The following RHD variants were observed in gnomAD, a reference collection of about 807,000 sequenced individuals.
The protein encoded by RHD is blood group Rh(D) polypeptide.
A neutral mutation model predicts 45.5 loss-of-function variants in RHD; 16 were observed. The ratio of observed to expected loss-of-function variants is 0.35; its 90% confidence interval spans 0.24 to 0.53. The LOEUF (loss-of-function observed/expected upper bound fraction) is 0.53. Ranked by LOEUF, RHD falls within the 20% of genes least tolerant of loss-of-function variation. The pLI is 0.92. For synonymous variants in RHD, 131 were observed against 217.5 expected (o/e 0.60, Z 3.50); for missense variants, 306 against 532.0 (o/e 0.58, Z 4.18).
At position 25,319,285 on chromosome 1, in the gene RHD, A is replaced by C. The variant is rs1324966277; in HGVS notation, c.1153+2206A>C. ...GTTCCTTTAAGAGTTAAGACCAACA[A>C]GTTTTCTTCTTTACATGTTGTTTTT... On this transcript the variant is annotated intron_variant, in intron 8 of 9. Coordinates refer to ENST00000328664, the MANE Select transcript of RHD (RefSeq NM_016124.6). Among the ~76,000 whole-genome samples, 4 of 131,758 alleles carry C rather than the reference A, an allele frequency of 3.0e-5. 1 individual carries two copies. Among genetic ancestry groups the C allele is most frequent in the African/African-American group, 1.0e-4 (4 of 38,648 alleles). The allele number at this position is 131,758 out of a possible 152,430, so 86.4% of individuals were successfully genotyped here. A position where few individuals can be genotyped will look rare whatever the true frequency, so the allele number is the denominator to read the frequency against.
intron 7 of RHD, among the ~76,000 whole-genome samples, chr1:25,312,088 C>G (rs372898447): frequency 0.035 from 3,498 of 99,138 alleles, 639 homozygotes; most frequent in Non-Finnish European, 0.058. Flanking sequence ...AGCAAAACCA[C>G]AGGGGCAGAG....
chr1:25,281,778 C>A (rs187125074), intron 1 of RHD, among the ~76,000 whole-genome samples: 3 of 132,344 alleles, frequency 2.3e-5, no homozygotes, highest in African/African-American at 7.7e-5. Context: ...CGCCCCAAAT[C>A]CCCAGGTCCC....
chr1:25,307,023 A>G lies in RHD; in HGVS notation c.1073+294A>G, dbSNP rs1643886851. On this transcript the variant is annotated intron_variant, in intron 7 of 9. Coordinates refer to ENST00000328664, the MANE Select transcript of RHD (RefSeq NM_016124.6). The stretch of plus-strand genomic sequence containing the variant: ...GAGCAGGTCAAATAGGCCCAAGCCA[A>G]TTGAGACTGTGGTTCAGGTCGTGAT... 9 of 369,090 alleles carry G rather than the reference A, an allele frequency of 2.4e-5. 3 individuals are homozygous for G. In the Middle Eastern group the frequency reaches 2.6e-3, roughly 105 times the overall value. 22.9% of individuals were successfully genotyped at this position (369,090 alleles called of 1,614,324 possible). A position where few individuals can be genotyped will look rare whatever the true frequency, so the allele number is the denominator to read the frequency against.
At chr1:25,295,647 G>A (rs1642871219) in intron 3 of RHD, among the ~76,000 whole-genome samples, 1 of 105,840 alleles carries the variant, frequency 9.4e-6, no homozygotes, top group South Asian at 2.8e-4. Flanking sequence ...CGAGAGGGAA[G>A]GAGTTGGGTG....
rs559330816 is a variant in RHD at position 25,280,029 on chromosome 1, C to T, written c.149-4544C>T. Among the ~76,000 whole-genome samples, 22 of 129,716 alleles carry T rather than the reference C, an allele frequency of 1.7e-4. 8 individuals are homozygous for T. The highest frequency in any genetic ancestry group is 3.3e-4 in the Non-Finnish European group (18 of 55,276). The allele number at this position is 129,716 out of a possible 152,430, so 85.1% of individuals were successfully genotyped here. A position where few individuals can be genotyped will look rare whatever the true frequency, so the allele number is the denominator to read the frequency against. ...GATGGGTGGAAATGGGCCTGGAGCC[C>T]AGGAGAAGTGGGAGGATGAGGGGGC... On this transcript the variant is annotated intron_variant, in intron 1 of 9. Transcript: ENST00000328664.
chr1:25,278,166 A>G (rs1377882455), intron 1 of RHD, among the ~76,000 whole-genome samples: 2 of 129,748 alleles, frequency 1.5e-5, no homozygotes, highest in Non-Finnish European at 3.6e-5. Flanking sequence ...AGAGATATTT[A>G]GGAGATAAGT....
At position 25,277,158 on chromosome 1, in the gene RHD, C is replaced by T. The variant is rs1232628903; in HGVS notation, c.148+4463C>T. Among the ~76,000 whole-genome samples, 13 of 133,194 alleles carry T rather than the reference C, an allele frequency of 9.8e-5. 3 individuals carry two copies. Among genetic ancestry groups the T allele is most frequent in the Non-Finnish European group, 1.8e-4 (10 of 56,064 alleles). 87.4% of individuals were successfully genotyped at this position (133,194 alleles called of 152,430 possible). A position where few individuals can be genotyped will look rare whatever the true frequency, so the allele number is the denominator to read the frequency against. On this transcript the variant is annotated intron_variant, in intron 1 of 9. Transcript: ENST00000328664. ...AGAGAAATGCATATCAAATCCTTCT[C>T]ATTGGACCAATATTCCCTTAGGGCA... is the stretch of plus-strand genomic sequence containing the variant.
At chr1:25,320,336 T>C (rs1192271753) in intron 8 of RHD, among the ~76,000 whole-genome samples, 2 of 132,040 alleles carry the variant, frequency 1.5e-5, no homozygotes, top group African/African-American at 5.2e-5. Context: ...ATGGTTCTGA[T>C]TTTTTTTAAA....
chr1:25,318,684 C>T lies in RHD; in HGVS notation c.1153+1605C>T, dbSNP rs766016983. 1.4e-3 allele frequency among the ~76,000 whole-genome samples: 184 copies of T among 132,840 alleles called. 52 individuals carry two copies. The highest frequency in any genetic ancestry group is 3.1e-3 in the Non-Finnish European group (171 of 55,920). 87.1% of individuals were successfully genotyped at this position (132,840 alleles called of 152,430 possible). On this transcript the variant is annotated intron_variant, in intron 8 of 9. Transcript: ENST00000328664. ...TGGTTAGACACCCATATATGTGTCC[C>T]TAAGCAGGAGGTGAATGCCAAATAA...
intron 3 of RHD, among the ~76,000 whole-genome samples, chr1:25,292,484 T>G (rs1642594593): frequency 4.5e-5 from 6 of 132,038 alleles, no homozygotes; most frequent in Admixed American, 4.4e-4. Context: ...GCTGATAGAC[T>G]GCACGTGGGG....
At chr1:25,316,622 A>G (rs1371213282) in intron 7 of RHD, among the ~76,000 whole-genome samples, 1,392 of 116,726 alleles carry the variant, frequency 0.012, 150 homozygotes, top group African/African-American at 0.037. Flanking sequence ...AAAACAGAAA[A>G]AAAAAAAAAA....
In RHD at chr1:25,300,985, G is replaced by A. The variant is rs141615605; in HGVS notation, c.526G>A (p.Ala176Thr). The change falls in exon 4 of 10, where the codon GCA (alanine) becomes ACA (threonine). Residue 176 changes from alanine to threonine, a missense_variant. Physicochemically the swap from Ala to Thr is moderately conservative, Grantham distance 58. Coordinates refer to ENST00000328664, the MANE Select transcript of RHD (RefSeq NM_016124.6). Reference sequence around the variant, plus strand: ...GAACATGATGCACATCTACGTGTTCGCAGCCTATTTTGGGCTGTCTGTGGC... The same window carrying A: ...GAACATGATGCACATCTACGTGTTCACAGCCTATTTTGGGCTGTCTGTGGC... ...HMNMMHIYVF[A>T]AYFGLSVAWC... 31 of 1,374,952 alleles carry A rather than the reference G, an allele frequency of 2.3e-5. 7 individuals are homozygous for A. The highest frequency in any genetic ancestry group is 2.0e-4 in the East Asian group (9 of 44,654). 85.2% of individuals were successfully genotyped at this position (1,374,952 alleles called of 1,614,324 possible). A position where few individuals can be genotyped will look rare whatever the true frequency, so the allele number is the denominator to read the frequency against.
intron 2 of RHD, among the ~76,000 whole-genome samples, chr1:25,289,349 C>T (rs1318594100): frequency 7.9e-6 from 1 of 126,998 alleles, no homozygotes; most frequent in East Asian, 2.0e-4. Context: ...CATGCACCAC[C>T]ATGCCCGGGT....
At chr1:25,289,768 C>T (rs1306505407) in intron 2 of RHD, among the ~76,000 whole-genome samples, 1 of 128,078 alleles carries the variant, frequency 7.8e-6, no homozygotes, top group East Asian at 2.0e-4. Context: ...CTTGTGATAT[C>T]ACAGATATTC....
chr1:25,305,687 G>A lies in RHD; in HGVS notation c.940-909G>A, dbSNP rs1249730583. Reference sequence around the variant, plus strand: ...GCCATCTCAGCTTACTGCAAGCTCCGCCTCCCGGGTTCACACCATTCTCCT... The same window carrying A: ...GCCATCTCAGCTTACTGCAAGCTCCACCTCCCGGGTTCACACCATTCTCCT... On this transcript the variant is annotated intron_variant, in intron 6 of 9. Coordinates refer to ENST00000328664, the MANE Select transcript of RHD (RefSeq NM_016124.6). 2.3e-5 allele frequency among the ~76,000 whole-genome samples: 3 copies of A among 128,384 alleles called. 1 individual carries two copies. The highest frequency in any genetic ancestry group is 1.8e-5 in the Non-Finnish European group (1 of 54,820). The allele number at this position is 128,384 out of a possible 152,430, so 84.2% of individuals were successfully genotyped here.
Position 25,318,706 on chromosome 1 carries a change from A to T in RHD, c.1153+1627A>T, listed in dbSNP as rs1473351592. Among the ~76,000 whole-genome samples the T allele has an allele frequency of 2.3e-5, 3 of 133,146 alleles. 1 individual carries two copies. Among genetic ancestry groups the T allele is most frequent in the Admixed American group, 2.2e-4 (3 of 13,738 alleles). 87.3% of individuals were successfully genotyped at this position (133,146 alleles called of 152,430 possible). A position where few individuals can be genotyped will look rare whatever the true frequency, so the allele number is the denominator to read the frequency against. ...TCCCTAAGCAGGAGGTGAATGCCAA[A>T]TAAGAGACAAATGGCGTAAGACACT... On this transcript the variant is annotated intron_variant, in intron 8 of 9. Coordinates refer to ENST00000328664, the MANE Select transcript of RHD (RefSeq NM_016124.6).
chr1:25,280,149 T>C (rs1422689416), intron 1 of RHD, among the ~76,000 whole-genome samples: 3 of 128,372 alleles, frequency 2.3e-5, no homozygotes, highest in Admixed American at 2.3e-4. Context: ...TGCCCTAATT[T>C]CATCTTGTTG....
At chr1:25,305,362 TGAGGA>T (rs200488591) in intron 6 of RHD, among the ~76,000 whole-genome samples, 1,748 of 113,064 alleles carry the variant, frequency 0.015, 281 homozygotes, top group African/African-American at 0.049. Context: ...CTGGGCTAGT[TGAGGA>T]GTCTGGATAT....
intron 3 of RHD, among the ~76,000 whole-genome samples, chr1:25,297,105 A>C (rs1319774058): frequency 8.2e-6 from 1 of 122,312 alleles, no homozygotes; most frequent in East Asian, 2.0e-4. Context: ...TCTTGCATTT[A>C]GTTCTCATGT....
Sources: allele counts gnomAD v4.1 joint callset (sites outside exome capture counted in the v4.1 genomes callset), GRCh38; gene constraint gnomAD v4.1.1; transcripts MANE v1.5; gene names NCBI Gene and HGNC (gene_info 2026-07-23, HGNC 2026-07-21).